SYNDIG1L: variants seen among roughly 807,000 people sequenced by gnomAD.
The protein encoded by SYNDIG1L is synapse differentiation-inducing gene protein 1-like.
In SYNDIG1L, 13 loss-of-function variants were observed where a neutral mutation model predicts 20.1. That is an observed-to-expected ratio of 0.65 (90% CI 0.42 to 1.03). SYNDIG1L has a LOEUF of 1.03. Ranked by LOEUF, SYNDIG1L falls within the 50% of genes least tolerant of loss-of-function variation. The pLI is 0.00. For synonymous variants in SYNDIG1L, 128 were observed against 129.3 expected (o/e 0.99, Z 0.07); for missense variants, 294 against 305.1 (o/e 0.96, Z 0.27).
the SYNDIG1L span, among the ~76,000 whole-genome samples, chr14:74,439,768 A>G: frequency 6.6e-6 from 1 of 151,082 alleles, no homozygotes; most frequent in Non-Finnish European, 1.5e-5. Context: ...AATCTCAGCA[A>G]CTCGGGAGGC....
chr14:74,408,586 C>T (rs1355139281), intron 2 of SYNDIG1L, among the ~76,000 whole-genome samples: 2 of 145,254 alleles, frequency 1.4e-5, no homozygotes, highest in Non-Finnish European at 3.0e-5. Flanking sequence ...AAAAAAGAAA[C>T]ACTTTCAATG....
intron 1 of SYNDIG1L, among the ~76,000 whole-genome samples, chr14:74,422,453 C>T (rs950235178): frequency 5.3e-5 from 8 of 151,508 alleles, no homozygotes; most frequent in African/African-American, 1.9e-4. Flanking sequence ...AGGCTGAAGG[C>T]TGTTCCTCCT....
chr14:74,413,089 C>T (rs947033188), intron 1 of SYNDIG1L, among the ~76,000 whole-genome samples: 5 of 152,214 alleles, frequency 3.3e-5, no homozygotes, highest in Non-Finnish European at 5.9e-5. Flanking sequence ...ACCATAGGGG[C>T]ATTTGAAGGA....
the SYNDIG1L span, among the ~76,000 whole-genome samples, chr14:74,462,927 C>A: frequency 1.2e-3 from 188 of 152,252 alleles, no homozygotes; most frequent in African/African-American, 4.4e-3. Flanking sequence ...ACAGTCCATC[C>A]CTTCTGCTGT....
the SYNDIG1L span, among the ~76,000 whole-genome samples, chr14:74,442,891 G>A: frequency 2.4e-3 from 363 of 152,290 alleles, 1 homozygote; most frequent in African/African-American, 8.1e-3. Context: ...TTGAATGGTT[G>A]ATGGTGCAGT....
At chr14:74,409,246 T>G in intron 2 of SYNDIG1L, 82 bp downstream of exon 2, 1 of 1,117,148 alleles carries the variant, frequency 9.0e-7, no homozygotes, top group Non-Finnish European at 1.2e-6. Flanking sequence ...GCCAGGCTAA[T>G]TTTCAATTTT....
chr14:74,426,370 C>G (rs545776942), upstream of SYNDIG1L, among the ~76,000 whole-genome samples: 1 of 151,650 alleles, frequency 6.6e-6, no homozygotes, highest in Admixed American at 6.6e-5. Context: ...CGGGGGAGCC[C>G]GGAGGAGGCG....
intron 1 of SYNDIG1L, among the ~76,000 whole-genome samples, chr14:74,414,445 GC>G (rs1200260459): frequency 2.6e-5 from 4 of 152,174 alleles, no homozygotes; most frequent in Admixed American, 6.5e-5. Context: ...ACTTAGCTGG[GC>G]CCGAAGGTTT....
chr14:74,469,411 C>T, the SYNDIG1L span, among the ~76,000 whole-genome samples: 3 of 151,042 alleles, frequency 2.0e-5, no homozygotes, highest in East Asian at 1.9e-4. Context: ...AGGAGAAATA[C>T]CTAATGTAAA....
the SYNDIG1L span, chr14:74,479,136 TA>T: frequency 1.3e-5 from 2 of 152,102 alleles, no homozygotes; most frequent in Non-Finnish European, 2.9e-5. Context: ...AGATCTTAGG[TA>T]AAAAGTACAC....
At chr14:74,430,924 A>G (rs1352918559), upstream of SYNDIG1L, among the ~76,000 whole-genome samples, 2 of 152,222 alleles carry the variant, frequency 1.3e-5, no homozygotes, top group Non-Finnish European at 2.9e-5. Flanking sequence ...GATGAGGAAA[A>G]CTAGAAGCTA....
At chr14:74,446,697 A>C in the SYNDIG1L span, among the ~76,000 whole-genome samples, 4 of 151,468 alleles carry the variant, frequency 2.6e-5, no homozygotes, top group Admixed American at 1.3e-4. Flanking sequence ...GCTCACTGCA[A>C]CCTCTGCCTT....
chr14:74,476,573 G>C, the SYNDIG1L span: 1 of 1,535,682 alleles, frequency 6.5e-7, no homozygotes, highest in South Asian at 1.2e-5. Flanking sequence ...GCAGTGAGCA[G>C]AGAACAGGCA....
intron 1 of SYNDIG1L, among the ~76,000 whole-genome samples, chr14:74,413,780 A>T (rs1275734221): frequency 4.7e-5 from 2 of 42,790 alleles, no homozygotes; most frequent in Non-Finnish European, 1.2e-4. Flanking sequence ...ATACACTCAC[A>T]CACACACACA....
At chr14:74,442,230 C>T in the SYNDIG1L span, among the ~76,000 whole-genome samples, 3 of 152,028 alleles carry the variant, frequency 2.0e-5, no homozygotes, top group Non-Finnish European at 4.4e-5. Flanking sequence ...AACTTAACAG[C>T]CTAATGCAGA....
the SYNDIG1L span, among the ~76,000 whole-genome samples, chr14:74,475,332 T>G: frequency 2.7e-4 from 41 of 151,594 alleles, no homozygotes; most frequent in Non-Finnish European, 3.7e-4. Context: ...GGTGGGTATA[T>G]TCTTATCATC....
At chr14:74,476,542 G>A in the SYNDIG1L span, 3 of 1,535,580 alleles carry the variant, frequency 2.0e-6, no homozygotes, top group Admixed American at 3.9e-5. Context: ...GCAAACACCT[G>A]TGCTCTGTGG....
the SYNDIG1L span, among the ~76,000 whole-genome samples, chr14:74,456,807 T>C: frequency 2.0e-5 from 3 of 151,914 alleles, no homozygotes; most frequent in Non-Finnish European, 4.4e-5. Context: ...ACCTTGGCTC[T>C]CGGCGGCAGG....
upstream of SYNDIG1L, among the ~76,000 whole-genome samples, chr14:74,427,701 A>G (rs1168054079): frequency 6.6e-6 from 1 of 152,148 alleles, no homozygotes; most frequent in Non-Finnish European, 1.5e-5. Flanking sequence ...CACTCATCTC[A>G]GGCCCATACT....
Sources: gnomAD v4.1 joint callset for allele counts (sites outside exome capture counted in the v4.1 genomes callset) on GRCh38, gnomAD v4.1.1 for gene constraint, MANE v1.5 for transcripts, NCBI Gene and HGNC (gene_info 2026-07-23, HGNC 2026-07-21) for gene names.